Variants in IL1RAPL2 observed in about 807,000 individuals in gnomAD.
IL1RAPL2 encodes the protein X-linked interleukin-1 receptor accessory protein-like 2.
In IL1RAPL2, 3 loss-of-function variants were observed where a neutral mutation model predicts 44.1. The observed-to-expected ratio is 0.07, with a 90% CI of 0.03 to 0.18. The LOEUF is 0.18. IL1RAPL2 is among the 10% of genes least tolerant of loss of function. IL1RAPL2 has a pLI of 1.00. For missense variants in IL1RAPL2, 391 were observed against 496.4 expected, an observed-to-expected ratio of 0.79 and a Z score of 2.02; for synonymous variants, 181 against 178.8, an observed-to-expected ratio of 1.01 and a Z score of -0.10.
intron 1 of IL1RAPL2, among the ~76,000 whole-genome samples, chrX:104,658,590 T>C (rs111603044): frequency 3.8e-3 from 432 of 112,408 alleles, no homozygotes; most frequent in African/African-American, 0.013. Flanking sequence ...GTTGTGCACA[T>C]GTACACTAGA....
At chrX:104,821,296 G>T (rs779667331) in intron 2 of IL1RAPL2, among the ~76,000 whole-genome samples, 47 of 110,353 alleles carry the variant, frequency 4.3e-4, no homozygotes, top group African/African-American at 1.5e-3. Flanking sequence ...CGCAGAACAT[G>T]CAGGTTTGTT....
At chrX:105,148,300 A>G (rs2033196976) in intron 2 of IL1RAPL2, among the ~76,000 whole-genome samples, 1 of 111,411 alleles carries the variant, frequency 9.0e-6, no homozygotes, top group South Asian at 3.8e-4. Context: ...GCATATTACA[A>G]TTCTGGTGGT....
At chrX:105,686,944 G>T (rs1398679238) in intron 6 of IL1RAPL2, among the ~76,000 whole-genome samples, 6 of 111,803 alleles carry the variant, frequency 5.4e-5, no homozygotes, top group Admixed American at 4.8e-4. Context: ...CAACTACATG[G>T]AAACTGAACA....
In IL1RAPL2 at chrX:104,752,280, A is replaced by T. The variant is rs188201989; in HGVS notation, c.82+93285A>T. Among the ~76,000 whole-genome samples, 712 of 106,072 alleles carry T rather than the reference A, an allele frequency of 6.7e-3. 3 individuals carry two copies. Among genetic ancestry groups the T allele is most frequent in the African/African-American group, 0.023 (670 of 29,185 alleles). 92.1% of individuals were successfully genotyped at this position (106,072 alleles called of 115,157 possible). ...GTGGTGGTGGTAATGTTGGCGTGAGAGTGTGTGTGTGTGTGTGTGTGAGAG... is the reference window on the plus strand; with the variant it reads ...GTGGTGGTGGTAATGTTGGCGTGAGTGTGTGTGTGTGTGTGTGTGTGAGAG... On this transcript the variant is annotated intron_variant, in intron 2 of 10. Transcript: ENST00000372582.
chrX:105,156,958 C>T (rs1367061049), intron 2 of IL1RAPL2, among the ~76,000 whole-genome samples: 1 of 110,314 alleles, frequency 9.1e-6, no homozygotes, highest in African/African-American at 3.3e-5. Context: ...CCCTGAATTC[C>T]AATGCCAGAT....
chrX:105,530,188 A>T (rs2147792544), intron 6 of IL1RAPL2, among the ~76,000 whole-genome samples: 1 of 112,407 alleles, frequency 8.9e-6, no homozygotes, highest in South Asian at 3.7e-4. Context: ...CCAGCAATGC[A>T]CATGGGTGCC....
intron 5 of IL1RAPL2, among the ~76,000 whole-genome samples, chrX:105,279,724 C>T (rs1019926637): frequency 3.6e-5 from 4 of 111,971 alleles, no homozygotes; most frequent in South Asian, 3.7e-4. Flanking sequence ...CTGATCCTCC[C>T]GCCTTGGCCT....
At position 105,444,050 on chromosome X, in the gene IL1RAPL2, G is replaced by A. The variant is rs143828726; in HGVS notation, c.698-40263G>A. On this transcript the variant is annotated intron_variant, in intron 5 of 10. Coordinates refer to ENST00000372582, the MANE Select transcript of IL1RAPL2 (RefSeq NM_017416.2). Reference sequence around the variant, plus strand: ...GAAAGCCATTTTAACTGGGGTGAGAGTATATCTTATTGTAGTTTTGATTTG... The same window carrying A: ...GAAAGCCATTTTAACTGGGGTGAGAATATATCTTATTGTAGTTTTGATTTG... Among the ~76,000 whole-genome samples, 492 of 111,688 alleles carry A rather than the reference G, an allele frequency of 4.4e-3. 3 individuals are homozygous for A. The highest frequency in any genetic ancestry group is 0.015 in the African/African-American group (474 of 30,790).
chrX:104,779,913 G>A (rs1206857505), intron 2 of IL1RAPL2, among the ~76,000 whole-genome samples: 2 of 111,434 alleles, frequency 1.8e-5, no homozygotes, highest in African/African-American at 6.5e-5. Flanking sequence ...ACTAAAGTTG[G>A]TTCAGAGAGA....
chrX:105,595,228 A>G (rs1312164426), intron 6 of IL1RAPL2, among the ~76,000 whole-genome samples: 1 of 111,914 alleles, frequency 8.9e-6, no homozygotes, highest in Admixed American at 9.6e-5. Flanking sequence ...ATTTCCCGTT[A>G]TCTTCAAAGT....
chrX:105,683,550 A>T (rs1310690860), intron 6 of IL1RAPL2, among the ~76,000 whole-genome samples: 6 of 85,114 alleles, frequency 7.0e-5, no homozygotes, highest in Admixed American at 1.1e-4. Context: ...AGAACCTACA[A>T]AAAAAAAAGC....
chrX:105,385,623 C>T (rs2035470897), intron 5 of IL1RAPL2, among the ~76,000 whole-genome samples: 1 of 110,831 alleles, frequency 9.0e-6, no homozygotes, highest in Admixed American at 9.6e-5. Context: ...GAGAAAGGGG[C>T]AACAACATTT....
chrX:105,247,276 G>A (rs995009989), intron 4 of IL1RAPL2, among the ~76,000 whole-genome samples: 1 of 110,545 alleles, frequency 9.0e-6, no homozygotes, highest in East Asian at 2.8e-4. Context: ...AGATTCAAAC[G>A]CTGAAATTCT....
intron 2 of IL1RAPL2, among the ~76,000 whole-genome samples, chrX:105,046,227 A>G: frequency 9.0e-6 from 1 of 111,513 alleles, no homozygotes; most frequent in African/African-American, 3.3e-5. Flanking sequence ...CATATATGCT[A>G]ATCCTGAAAA....
At chrX:105,156,666 TA>T (rs1364153757) in intron 2 of IL1RAPL2, among the ~76,000 whole-genome samples, 1 of 112,454 alleles carries the variant, frequency 8.9e-6, no homozygotes, top group African/African-American at 3.2e-5. Flanking sequence ...TCAAGTGTAT[TA>T]TATAGCTATT....
chrX:104,720,820 A>T (rs1026249444), intron 2 of IL1RAPL2, among the ~76,000 whole-genome samples: 1 of 111,509 alleles, frequency 9.0e-6, no homozygotes, highest in Non-Finnish European at 1.9e-5. Flanking sequence ...CCATTTTAAA[A>T]CACTGTCAGT....
chrX:105,683,227 A>T, intron 6 of IL1RAPL2, among the ~76,000 whole-genome samples: 1 of 111,984 alleles, frequency 8.9e-6, no homozygotes, highest in Non-Finnish European at 1.9e-5. Flanking sequence ...TGAACCAAGG[A>T]GACAGGCCTA....
In IL1RAPL2 at chrX:105,370,577, G is replaced by A. The variant is rs184549602; in HGVS notation, c.697+103036G>A. ...GATATAATTCTTTTTTCATGGGTGC[G>A]TAGTATTCTATGGTGTATATGTAAC... On this transcript the variant is annotated intron_variant, in intron 5 of 10. Transcript: ENST00000372582. Among the ~76,000 whole-genome samples the A allele has an allele frequency of 4.2e-4, 47 of 112,074 alleles. No homozygotes were observed. In the Middle Eastern group the frequency reaches 0.019, roughly 44 times the overall value.
chrX:104,677,192 G>C (rs1930784173), intron 2 of IL1RAPL2, among the ~76,000 whole-genome samples: 1 of 111,659 alleles, frequency 9.0e-6, no homozygotes, highest in Non-Finnish European at 1.9e-5. Context: ...AGAGTTCCCA[G>C]TTTTCCTGTT....
Sources: gnomAD v4.1 joint callset for allele counts (sites outside exome capture counted in the v4.1 genomes callset) on GRCh38, gnomAD v4.1.1 for gene constraint, MANE v1.5 for transcripts, NCBI Gene and HGNC (gene_info 2026-07-23, HGNC 2026-07-21) for gene names.